UBE2D1: variants seen among roughly 807,000 people sequenced by gnomAD.
The protein encoded by UBE2D1 is ubiquitin-conjugating enzyme E2 D1.
UBE2D1 carries 9 observed loss-of-function variants against 24.6 expected under a neutral mutation model. The observed-to-expected ratio is 0.37, with a 90% confidence interval of 0.22 to 0.64. UBE2D1 has a LOEUF of 0.64. UBE2D1 is among the 30% of genes least tolerant of loss of function. UBE2D1 has a pLI of 0.64. For synonymous variants in UBE2D1, 57 were observed against 57.6 expected, an observed-to-expected ratio of 0.99 and a Z score of 0.04; for missense variants, 87 against 177.1, an observed-to-expected ratio of 0.49 and a Z score of 2.89.
At chr10:58,350,178 A>G (rs1049725521) in intron 1 of UBE2D1, among the ~76,000 whole-genome samples, 4 of 152,208 alleles carry the variant, frequency 2.6e-5, no homozygotes, top group Non-Finnish European at 5.9e-5. Context: ...ATGCTAGGTC[A>G]TAGAGTATTT....
At chr10:58,348,897 C>T (rs939890829) in intron 1 of UBE2D1, among the ~76,000 whole-genome samples, 1 of 152,090 alleles carries the variant, frequency 6.6e-6, no homozygotes, top group Non-Finnish European at 1.5e-5. Context: ...AATTAGGCTG[C>T]CTCATCTACT....
chr10:58,362,818 G>C (rs1489883388), intron 3 of UBE2D1, among the ~76,000 whole-genome samples: 3 of 151,934 alleles, frequency 2.0e-5, no homozygotes, highest in Non-Finnish European at 4.4e-5. Flanking sequence ...ATGAGTCTTG[G>C]TGTTATTACC....
intron 1 of UBE2D1, among the ~76,000 whole-genome samples, chr10:58,359,675 G>T (rs187275906): frequency 6.6e-6 from 1 of 152,128 alleles, no homozygotes; most frequent in Non-Finnish European, 1.5e-5. Context: ...TCCCAGTTCC[G>T]CCCTATAGTA....
intron 1 of UBE2D1, among the ~76,000 whole-genome samples, chr10:58,335,470 C>T (rs1343985946): frequency 6.6e-6 from 1 of 152,232 alleles, no homozygotes; most frequent in Non-Finnish European, 1.5e-5. Context: ...GCGCCGGAGC[C>T]GCTCCCGGAG....
At chr10:58,354,032 G>A (rs2132324312) in intron 1 of UBE2D1, among the ~76,000 whole-genome samples, 1 of 151,948 alleles carries the variant, frequency 6.6e-6, no homozygotes, top group Non-Finnish European at 1.5e-5. Context: ...TCCGGTAGAA[G>A]AGGAACAGAT....
chr10:58,345,953 A>G (rs569672558), intron 1 of UBE2D1, among the ~76,000 whole-genome samples: 4 of 151,972 alleles, frequency 2.6e-5, no homozygotes, highest in Non-Finnish European at 4.4e-5. Flanking sequence ...AGAAATATGT[A>G]CTTAATGCAG....
intron 1 of UBE2D1, among the ~76,000 whole-genome samples, chr10:58,338,262 G>A (rs893409056): frequency 6.6e-6 from 1 of 152,164 alleles, no homozygotes; most frequent in African/African-American, 2.4e-5. Flanking sequence ...TAAAGACAGA[G>A]CATGGAGATA....
chr10:58,342,209 C>G (rs1839968455), intron 1 of UBE2D1, among the ~76,000 whole-genome samples: 1 of 152,190 alleles, frequency 6.6e-6, no homozygotes, highest in African/African-American at 2.4e-5. Flanking sequence ...TAGTGCTGTC[C>G]ATTCCACCAT....
intron 1 of UBE2D1, among the ~76,000 whole-genome samples, chr10:58,352,799 C>T (rs1452626929): frequency 2.0e-5 from 3 of 152,072 alleles, no homozygotes; most frequent in African/African-American, 4.8e-5. Context: ...TAGTTTACAT[C>T]AGTTATTTTT....
At chr10:58,359,856 T>G (rs1345235127) in intron 1 of UBE2D1, among the ~76,000 whole-genome samples, 1 of 152,240 alleles carries the variant, frequency 6.6e-6, no homozygotes, top group Non-Finnish European at 1.5e-5. Flanking sequence ...CCTCTGCACA[T>G]GTAATTCATC....
intron 1 of UBE2D1, among the ~76,000 whole-genome samples, chr10:58,347,313 A>C (rs557142902): frequency 2.0e-5 from 3 of 152,220 alleles, no homozygotes; most frequent in African/African-American, 7.2e-5. Flanking sequence ...TAGAGTTTGA[A>C]TTACTAGAAC....
chr10:58,351,572 CCT>C (rs1840077804), intron 1 of UBE2D1, among the ~76,000 whole-genome samples: 1 of 152,338 alleles, frequency 6.6e-6, no homozygotes, highest in African/African-American at 2.4e-5. Flanking sequence ...GTTGTCGTCT[CCT>C]CTGATAACAG....
At position 58,335,026 on chromosome 10, in the gene UBE2D1, G is replaced by T. The variant is rs1839883599; in HGVS notation, c.-176G>T. 1 of 600,896 alleles carries T rather than the reference G, an allele frequency of 1.7e-6. No individual in the cohort carries two copies. Among genetic ancestry groups the T allele is most frequent in the Non-Finnish European group, 2.8e-6 (1 of 362,698 alleles). The allele number at this position is 600,896 out of a possible 1,614,324, so 37.2% of individuals were successfully genotyped here. A position where few individuals can be genotyped will look rare whatever the true frequency, so the allele number is the denominator to read the frequency against. On this transcript the variant is annotated 5_prime_UTR_variant, in exon 1 of 7. Transcript: ENST00000373910. ...CGCCCGCACACTCGCGCACACTCGC[G>T]CTCGGGCGCACACGGAGCAGGGACC...
chr10:58,364,738 T>C, intron 4 of UBE2D1, 33 bp from the exon 5 acceptor site: 1 of 1,500,604 alleles, frequency 6.7e-7, no homozygotes, highest in Non-Finnish European at 9.2e-7. Context: ...TCAAAGGTGA[T>C]TGTCATATTT....
At chr10:58,351,575 C>G (rs993323792) in intron 1 of UBE2D1, among the ~76,000 whole-genome samples, 1 of 152,224 alleles carries the variant, frequency 6.6e-6, no homozygotes, top group Admixed American at 6.5e-5. Flanking sequence ...GTCGTCTCCT[C>G]TGATAACAGT....
intron 1 of UBE2D1, among the ~76,000 whole-genome samples, chr10:58,356,081 T>G (rs1840128398): frequency 6.6e-6 from 1 of 152,146 alleles, no homozygotes; most frequent in African/African-American, 2.4e-5. Flanking sequence ...ATTTATGTAT[T>G]TATTTATTAC....
intron 1 of UBE2D1, among the ~76,000 whole-genome samples, chr10:58,357,297 G>C (rs931069338): frequency 6.6e-6 from 1 of 152,132 alleles, no homozygotes; most frequent in African/African-American, 2.4e-5. Context: ...TGTAGTAGTG[G>C]TGCTAAAAGC....
At chr10:58,347,130 G>A (rs1388573223) in intron 1 of UBE2D1, among the ~76,000 whole-genome samples, 4 of 152,108 alleles carry the variant, frequency 2.6e-5, no homozygotes, top group Non-Finnish European at 5.9e-5. Flanking sequence ...CTCTCCTCTG[G>A]CTTATATCAG....
rs1256956466 is a variant in UBE2D1 at position 58,370,549 on chromosome 10, A to G, written c.*1784A>G. ...ATATCATGAAAAATTCTACTTAGCT[A>G]TATTATTATAAGCTACATTTGCCCT... is the stretch of plus-strand genomic sequence containing the variant. On this transcript the variant is annotated 3_prime_UTR_variant, in exon 7 of 7. Transcript: ENST00000373910. 1 of 152,572 alleles carries G rather than the reference A, an allele frequency of 6.6e-6. No homozygotes were observed. The highest frequency in any genetic ancestry group is 2.4e-5 in the African/African-American group (1 of 41,438). 9.5% of individuals were successfully genotyped at this position (152,572 alleles called of 1,614,324 possible).
Sources: gnomAD v4.1 joint callset for allele counts (sites outside exome capture counted in the v4.1 genomes callset) on GRCh38, gnomAD v4.1.1 for gene constraint, MANE v1.5 for transcripts, NCBI Gene and HGNC (gene_info 2026-07-23, HGNC 2026-07-21) for gene names.